BRINP3: variants seen among roughly 807,000 people sequenced by gnomAD.
The protein encoded by BRINP3 is BMP/retinoic acid-inducible neural-specific protein 3.
Under a neutral mutation model 71.0 loss-of-function variants are expected in BRINP3, and 19 were observed. The ratio of observed to expected loss-of-function variants is 0.27; its 90% CI spans 0.19 to 0.39. BRINP3 has a LOEUF of 0.39. BRINP3 is among the 10% of genes least tolerant of loss of function. The pLI, the probability that BRINP3 is intolerant of heterozygous loss-of-function variation, is 1.00. For synonymous variants in BRINP3, 380 were observed against 337.7 expected (o/e 1.13, Z -1.37); for missense variants, 959 against 940.8 (o/e 1.02, Z -0.25).
At chr1:190,150,578 A>G (rs1656304527) in intron 7 of BRINP3, among the ~76,000 whole-genome samples, 1 of 152,134 alleles carries the variant, frequency 6.6e-6, no homozygotes, top group Non-Finnish European at 1.5e-5. Context: ...ACATCTTATT[A>G]TTTATTAGTA....
intron 4 of BRINP3, among the ~76,000 whole-genome samples, chr1:190,252,271 T>C (rs1660217821): frequency 1.3e-5 from 2 of 152,062 alleles, no homozygotes; most frequent in South Asian, 2.1e-4. Context: ...GTTACACTGA[T>C]GGGATTTCCT....
chr1:190,264,270 C>T (rs1661456415), intron 4 of BRINP3, among the ~76,000 whole-genome samples: 1 of 152,004 alleles, frequency 6.6e-6, no homozygotes, highest in South Asian at 2.1e-4. Context: ...ATAAAGTCAA[C>T]CTTAGTGTAT....
At chr1:190,415,135 C>T (rs968506224) in intron 2 of BRINP3, among the ~76,000 whole-genome samples, 7 of 152,184 alleles carry the variant, frequency 4.6e-5, no homozygotes, top group Admixed American at 6.5e-5. Context: ...TGCCTCCCAA[C>T]ATCTATATAG....
intron 2 of BRINP3, among the ~76,000 whole-genome samples, chr1:190,331,882 T>A (rs116375124): frequency 0.015 from 2,249 of 152,166 alleles, 71 homozygotes; most frequent in African/African-American, 0.05. Context: ...TTTATAGACA[T>A]GTTGATGGCA....
rs1452028833 is a variant in BRINP3 at position 190,355,724 on chromosome 1, T to C, written c.237-73974A>G. Among the ~76,000 whole-genome samples the C allele has an allele frequency of 8.5e-5, 13 of 152,064 alleles. No homozygotes were observed. In the South Asian group the frequency reaches 2.1e-3, roughly 24 times the overall value. The stretch of plus-strand genomic sequence containing the variant: ...ATGGGAACATTAAGACACATGGTTA[T>C]TCTTTCTGCAATTCCTATGTACCAA... On this transcript the variant is annotated intron_variant, in intron 2 of 7. Coordinates refer to ENST00000367462, the MANE Select transcript of BRINP3 (RefSeq NM_199051.3).
At chr1:190,185,747 A>G (rs1187287864) in intron 6 of BRINP3, among the ~76,000 whole-genome samples, 5 of 152,184 alleles carry the variant, frequency 3.3e-5, no homozygotes, top group Admixed American at 6.6e-5. Flanking sequence ...ATAGCTGAAT[A>G]AAACATCTGC....
At chr1:190,146,137 C>T (rs1655870064) in intron 7 of BRINP3, among the ~76,000 whole-genome samples, 4 of 152,200 alleles carry the variant, frequency 2.6e-5, no homozygotes, top group East Asian at 1.9e-4. Flanking sequence ...TCTAAACCCT[C>T]AGAAATCATC....
intron 2 of BRINP3, among the ~76,000 whole-genome samples, chr1:190,317,284 T>G (rs1665954648): frequency 6.6e-6 from 1 of 151,982 alleles, no homozygotes; most frequent in East Asian, 1.9e-4. Flanking sequence ...GGCACGTAAT[T>G]GCTGCTAACA....
At chr1:190,256,359 C>T (rs1488989250) in intron 4 of BRINP3, among the ~76,000 whole-genome samples, 1 of 152,038 alleles carries the variant, frequency 6.6e-6, no homozygotes. Context: ...TTCCTCCATC[C>T]CTTTATTTTG....
At chr1:190,385,421 G>A (rs1185024067) in intron 2 of BRINP3, among the ~76,000 whole-genome samples, 1 of 151,712 alleles carries the variant, frequency 6.6e-6, no homozygotes. Context: ...GTGGGCAAAG[G>A]ACATGAACAG....
chr1:190,405,951 T>C (rs1672255149), intron 2 of BRINP3, among the ~76,000 whole-genome samples: 2 of 152,238 alleles, frequency 1.3e-5, no homozygotes, highest in African/African-American at 4.8e-5. Context: ...TTAGTAATAT[T>C]CAACAAATTC....
At chr1:190,339,099 A>G (rs1361195784) in intron 2 of BRINP3, among the ~76,000 whole-genome samples, 2 of 151,976 alleles carry the variant, frequency 1.3e-5, no homozygotes, top group Non-Finnish European at 2.9e-5. Flanking sequence ...GGCAGCACAC[A>G]CATAATATTG....
chr1:190,461,693 T>C (rs556616852), intron 1 of BRINP3, among the ~76,000 whole-genome samples: 4 of 152,258 alleles, frequency 2.6e-5, no homozygotes, highest in African/African-American at 9.6e-5. Flanking sequence ...TGGTGTGATA[T>C]GGCTGGCAAG....
At chr1:190,182,454 T>C (rs1432660876) in intron 6 of BRINP3, among the ~76,000 whole-genome samples, 2 of 152,146 alleles carry the variant, frequency 1.3e-5, no homozygotes. Flanking sequence ...TTCCTTGTCT[T>C]ATTAATTCTT....
At chr1:190,139,900 T>G (rs940904057) in intron 7 of BRINP3, among the ~76,000 whole-genome samples, 1 of 152,182 alleles carries the variant, frequency 6.6e-6, no homozygotes. Flanking sequence ...TAAACCACAA[T>G]CCTTGTCTCT....
intron 2 of BRINP3, among the ~76,000 whole-genome samples, chr1:190,358,024 G>A (rs1036857248): frequency 4.6e-5 from 7 of 152,124 alleles, no homozygotes; most frequent in African/African-American, 1.7e-4. Flanking sequence ...ATGGATTAAA[G>A]ACTTAACTGT....
intron 2 of BRINP3, among the ~76,000 whole-genome samples, chr1:190,343,974 C>G (rs564003485): frequency 6.6e-6 from 1 of 151,676 alleles, no homozygotes; most frequent in South Asian, 2.1e-4. Flanking sequence ...ACAAAGCAGA[C>G]AGCAGCATTA....
intron 2 of BRINP3, among the ~76,000 whole-genome samples, chr1:190,357,486 C>T (rs1265976390): frequency 6.6e-6 from 1 of 151,704 alleles, no homozygotes; most frequent in African/African-American, 2.4e-5. Flanking sequence ...GGTATACTGC[C>T]GAATCTGTAG....
At chr1:190,330,631 T>G (rs1296757824) in intron 2 of BRINP3, among the ~76,000 whole-genome samples, 3 of 151,998 alleles carry the variant, frequency 2.0e-5, no homozygotes, top group Non-Finnish European at 4.4e-5. Context: ...CATTACTGGG[T>G]ATATATCCAA....
Sources: gnomAD v4.1 joint callset for allele counts (sites outside exome capture counted in the v4.1 genomes callset) on GRCh38, gnomAD v4.1.1 for gene constraint, MANE v1.5 for transcripts, NCBI Gene and HGNC (gene_info 2026-07-23, HGNC 2026-07-21) for gene names.